The following KCTD3 variants were observed in gnomAD, a reference collection of about 807,000 sequenced individuals.
KCTD3 encodes potassium channel tetramerization domain containing 3.
Under a neutral mutation model 85.8 loss-of-function variants are expected in KCTD3, and 41 were observed. The ratio of observed to expected loss-of-function variants is 0.48; its 90% CI spans 0.37 to 0.62. The LOEUF is 0.62. KCTD3 is among the 20% of genes least tolerant of loss of function. KCTD3 has a pLI of 0.00. For synonymous variants in KCTD3, 338 were observed against 345.4 expected, an observed-to-expected ratio of 0.98 and a Z score of 0.24; for missense variants, 724 against 989.9, an observed-to-expected ratio of 0.73 and a Z score of 3.60.
chr1:215,595,517 A>G (rs1660387312), intron 10 of KCTD3, 46 bp downstream of exon 10: 1 of 1,112,448 alleles, frequency 9.0e-7, no homozygotes, highest in African/African-American at 1.5e-5. Context: ...TCTGAAATGT[A>G]TGCTGATTAT....
At chr1:215,576,144 C>T (rs1355077688) in intron 4 of KCTD3, among the ~76,000 whole-genome samples, 170 bp downstream of exon 4, 1 of 151,846 alleles carries the variant, frequency 6.6e-6, no homozygotes, top group Non-Finnish European at 1.5e-5. Flanking sequence ...TCTCTGCTCA[C>T]TGCAACCTCC....
chr1:215,591,359 T>C (rs1474226481), intron 9 of KCTD3, among the ~76,000 whole-genome samples: 1 of 149,354 alleles, frequency 6.7e-6, no homozygotes, highest in Non-Finnish European at 1.5e-5. Flanking sequence ...TCTTTCTCTC[T>C]TTCTTCTCTT....
At chr1:215,607,453 T>C (rs541469739) in intron 13 of KCTD3, among the ~76,000 whole-genome samples, 1 of 152,098 alleles carries the variant, frequency 6.6e-6, no homozygotes, top group South Asian at 2.1e-4. Context: ...ATAAAACTAA[T>C]TGGAGTATGT....
At chr1:215,593,793 T>G (rs1433403032) in intron 9 of KCTD3, among the ~76,000 whole-genome samples, 1 of 152,132 alleles carries the variant, frequency 6.6e-6, no homozygotes, top group Non-Finnish European at 1.5e-5. Flanking sequence ...AAAAATATAT[T>G]TCCCATAAAG....
chr1:215,576,278 A>G (rs988075305), intron 4 of KCTD3, among the ~76,000 whole-genome samples: 1 of 151,920 alleles, frequency 6.6e-6, no homozygotes, highest in African/African-American at 2.4e-5. Context: ...TGTGTTGCCC[A>G]GGCTGATTGC....
chr1:215,614,221 CG>C, intron 15 of KCTD3, among the ~76,000 whole-genome samples: 1 of 151,458 alleles, frequency 6.6e-6, no homozygotes. Flanking sequence ...TTAGTAGAGA[CG>C]GGGTTTCACT....
chr1:215,603,497 A>G (rs1364633986), intron 12 of KCTD3, among the ~76,000 whole-genome samples: 2 of 152,188 alleles, frequency 1.3e-5, no homozygotes, highest in African/African-American at 4.8e-5. Flanking sequence ...GATGATTAGA[A>G]GAAACAACAT....
intron 9 of KCTD3, among the ~76,000 whole-genome samples, chr1:215,591,524 A>G (rs1334550457): frequency 6.6e-6 from 1 of 151,914 alleles, no homozygotes; most frequent in Non-Finnish European, 1.5e-5. Context: ...CGCCCAGCTA[A>G]TTTCTGTATT....
chr1:215,576,013 T>C, intron 4 of KCTD3, 39 bp downstream of exon 4: 1 of 997,344 alleles, frequency 1.0e-6, no homozygotes, highest in Non-Finnish European at 1.5e-6. Context: ...TTCTTACTGA[T>C]AAATATGTGT....
chr1:215,576,326 C>G (rs1659579746), intron 4 of KCTD3, among the ~76,000 whole-genome samples: 1 of 151,970 alleles, frequency 6.6e-6, no homozygotes, highest in African/African-American at 2.4e-5. Flanking sequence ...GCCTTAGCCT[C>G]CCAAAGTGCA....
intron 9 of KCTD3, 130 bp from the exon 10 acceptor site, chr1:215,595,226 A>T (rs1415202036): frequency 3.3e-6 from 2 of 613,490 alleles, no homozygotes. Flanking sequence ...CTAGTCCCCA[A>T]CACGTATAGC....
intron 12 of KCTD3, among the ~76,000 whole-genome samples, chr1:215,603,653 G>A (rs1344598505): frequency 6.6e-6 from 1 of 152,210 alleles, no homozygotes; most frequent in African/African-American, 2.4e-5. Flanking sequence ...TTCTAGGCTA[G>A]ACATAATAAG....
Position 215,620,351 on chromosome 1 carries a change from A to T in KCTD3, c.2181A>T (p.Glu727Asp). 1.9e-6 allele frequency: 3 copies of T among 1,613,766 alleles called. No homozygotes were observed. The highest frequency in any genetic ancestry group is 2.5e-6 in the Non-Finnish European group (3 of 1,179,842). The change falls in exon 18 of 18, where the codon GAA becomes GAT. Residue 727 changes from glutamate (E) to aspartate (D), a missense_variant. Physicochemically the swap from Glu to Asp is conservative, Grantham distance 45. Coordinates refer to ENST00000259154, the MANE Select transcript of KCTD3 (RefSeq NM_016121.5). ...TGAGAGAATTGGATAGTGGATTGGA[A>T]GTGCATAAAATAGCTGAAGGTTTTT... The part of the protein sequence containing the change: ...KSLRELDSGL[E>D]VHKIAEGFSE...
intron 4 of KCTD3, among the ~76,000 whole-genome samples, chr1:215,576,292 C>T (rs578050703): frequency 9.2e-5 from 14 of 151,942 alleles, no homozygotes; most frequent in East Asian, 7.8e-4. Context: ...TGATTGCAAA[C>T]GCCTGAGCTC....
At chr1:215,571,313 CTG>C (rs998942107) in intron 1 of KCTD3, among the ~76,000 whole-genome samples, 2 of 152,226 alleles carry the variant, frequency 1.3e-5, no homozygotes, top group Admixed American at 6.5e-5. Flanking sequence ...CTGGGGTAAT[CTG>C]TGTATTTTTT....
rs200612833 is a variant in KCTD3 at position 215,601,856 on chromosome 1, C to A, written c.934-11C>A. The A allele has an allele frequency of 1.1e-4, 150 of 1,406,460 alleles. No individual in the cohort carries two copies. The highest frequency in any genetic ancestry group is 1.4e-4 in the Admixed American group (8 of 56,394). The allele number at this position is 1,406,460 out of a possible 1,614,324, so 87.1% of individuals were successfully genotyped here. On this transcript the variant is annotated splice_polypyrimidine_tract_variant and intron_variant, in intron 10 of 17. Coordinates refer to ENST00000259154, the MANE Select transcript of KCTD3 (RefSeq NM_016121.5). ...ACTATCTAACATCTGATAATACTCTCACTACATCAGGTTCAAGATGTTGTT... is the reference window on the plus strand; with the variant it reads ...ACTATCTAACATCTGATAATACTCTAACTACATCAGGTTCAAGATGTTGTT...
chr1:215,609,638 A>C (rs1655157040), intron 14 of KCTD3, among the ~76,000 whole-genome samples: 1 of 151,958 alleles, frequency 6.6e-6, no homozygotes, highest in Non-Finnish European at 1.5e-5. Context: ...TTATTAACCA[A>C]AGTGCATGGT....
At chr1:215,619,325 T>G in intron 17 of KCTD3, 34 bp downstream of exon 17, 2 of 1,561,426 alleles carry the variant, frequency 1.3e-6, no homozygotes, top group Non-Finnish European at 1.8e-6. Context: ...TAAACAAAAT[T>G]TATTTCTTTT....
chr1:215,568,667 C>G (rs892568137), intron 1 of KCTD3, among the ~76,000 whole-genome samples: 2 of 152,030 alleles, frequency 1.3e-5, no homozygotes, highest in Non-Finnish European at 2.9e-5. Flanking sequence ...AGGAAATGCT[C>G]TGGAATACAG....
Sources: gnomAD v4.1 joint callset for allele counts (sites outside exome capture counted in the v4.1 genomes callset) on GRCh38, gnomAD v4.1.1 for gene constraint, MANE v1.5 for transcripts, NCBI Gene and HGNC (gene_info 2026-07-23, HGNC 2026-07-21) for gene names.